The following FBN2 variants were observed in gnomAD, a reference collection of about 807,000 sequenced individuals.
FBN2 encodes fibrillin 2.
In FBN2, 105 loss-of-function variants were observed where a neutral mutation model predicts 355.6. The ratio of observed to expected loss-of-function variants is 0.30; its 90% CI spans 0.25 to 0.35. The LOEUF (loss-of-function observed/expected upper bound fraction) is 0.35. Ranked by LOEUF, FBN2 falls within the 10% of genes least tolerant of loss-of-function variation. FBN2 has a pLI of 1.00. For synonymous variants in FBN2, 1,350 were observed against 1,301.2 expected, an observed-to-expected ratio of 1.04 and a Z score of -0.81; for missense variants, 3,280 against 3,758.7, an observed-to-expected ratio of 0.87 and a Z score of 3.33.
chr5:128,511,870 T>C (rs1268091993), intron 5 of FBN2, among the ~76,000 whole-genome samples: 1 of 152,206 alleles, frequency 6.6e-6, no homozygotes, highest in Non-Finnish European at 1.5e-5. Flanking sequence ...AGTACTTGGC[T>C]TAAGTAAACT....
chr5:128,441,377 T>C (rs945766607), intron 7 of FBN2, among the ~76,000 whole-genome samples: 1 of 152,200 alleles, frequency 6.6e-6, no homozygotes, highest in Non-Finnish European at 1.5e-5. Context: ...GTTTGCTCAA[T>C]AGCACTGGCT....
chr5:128,394,897 C>T (rs1376205974), intron 9 of FBN2, among the ~76,000 whole-genome samples: 1 of 151,174 alleles, frequency 6.6e-6, no homozygotes, highest in African/African-American at 2.4e-5. Flanking sequence ...GTGATTCTCC[C>T]ACCTCAGTCC....
chr5:128,527,635 C>A (rs1256551266), intron 4 of FBN2, among the ~76,000 whole-genome samples: 2 of 151,978 alleles, frequency 1.3e-5, no homozygotes, highest in African/African-American at 4.8e-5. Flanking sequence ...TGCTAAAGCA[C>A]TAGTTACCAG....
intron 7 of FBN2, among the ~76,000 whole-genome samples, chr5:128,435,407 C>T (rs780914460): frequency 2.0e-5 from 3 of 152,148 alleles, no homozygotes; most frequent in Admixed American, 6.6e-5. Flanking sequence ...AGAAACTGTA[C>T]TAAAAGTCAT....
chr5:128,271,867 G>A, intron 62 of FBN2, 132 bp downstream of exon 62: 1 of 1,033,492 alleles, frequency 9.7e-7, no homozygotes. Flanking sequence ...CCATGCATCA[G>A]TCTTAAGGAC....
At chr5:128,412,963 C>G (rs541280359) in intron 7 of FBN2, among the ~76,000 whole-genome samples, 1 of 152,230 alleles carries the variant, frequency 6.6e-6, no homozygotes, top group African/African-American at 2.4e-5. Flanking sequence ...GACTTTGTCA[C>G]CAGAAAGATA....
intron 50 of FBN2, 36 bp downstream of exon 50, chr5:128,290,696 A>G: frequency 6.2e-7 from 1 of 1,608,994 alleles, no homozygotes; most frequent in Non-Finnish European, 8.5e-7. Context: ...AAAAACTGGT[A>G]CACAAAGTGC....
chr5:128,349,609 C>T, intron 22 of FBN2, 137 bp from the exon 23 acceptor site: 1 of 1,148,786 alleles, frequency 8.7e-7, no homozygotes, highest in Non-Finnish European at 1.3e-6. Context: ...CAGAAATATT[C>T]CACAACCGAG....
chr5:128,377,663 T>C, intron 13 of FBN2, 89 bp downstream of exon 13: 1 of 1,349,586 alleles, frequency 7.4e-7, no homozygotes, highest in Non-Finnish European at 1.1e-6. Context: ...ATACGTGGTG[T>C]GTGAGCTTTC....
At chr5:128,267,750 T>G (rs1037012209) in intron 62 of FBN2, among the ~76,000 whole-genome samples, 1 of 152,252 alleles carries the variant, frequency 6.6e-6, no homozygotes, top group South Asian at 2.1e-4. Flanking sequence ...ATTGCAAACA[T>G]TTTCTTCCAT....
chr5:128,330,555 C>T lies in FBN2; in HGVS notation c.4345+18G>A, dbSNP rs956969297. 6.2e-7 allele frequency: 1 copy of T among 1,613,794 alleles called. No individual in the cohort carries two copies. Among genetic ancestry groups the T allele is most frequent in the Admixed American group, 1.7e-5 (1 of 59,976 alleles). ...CTATGACCATCCCGTCAGAGCACAC[C>T]TCAGGACTGTCACCCACCTGAGCAG... is the stretch of plus-strand genomic sequence containing the variant. On this transcript the variant is annotated intron_variant, in intron 33 of 64. Transcript: ENST00000262464.
chr5:128,335,886 G>C, intron 28 of FBN2, 102 bp downstream of exon 28: 1 of 1,255,596 alleles, frequency 8.0e-7, no homozygotes, highest in South Asian at 1.3e-5. Flanking sequence ...ATTCATTTTT[G>C]GGACAAAGGA....
At chr5:128,426,044 T>C (rs753551687) in intron 7 of FBN2, among the ~76,000 whole-genome samples, 1 of 152,120 alleles carries the variant, frequency 6.6e-6, no homozygotes, top group Non-Finnish European at 1.5e-5. Context: ...TCCTAATGCT[T>C]TGCCTGTAAA....
intron 56 of FBN2, 90 bp downstream of exon 56, chr5:128,280,102 G>T: frequency 9.4e-7 from 1 of 1,068,034 alleles, no homozygotes; most frequent in Non-Finnish European, 1.4e-6. Flanking sequence ...TTGTTTAGCA[G>T]ACAAGAATAT....
Position 128,464,632 on chromosome 5 carries a change from A to C in FBN2, c.826+92T>G, listed in dbSNP as rs1010086593. On this transcript the variant is annotated intron_variant, in intron 6 of 64. Transcript: ENST00000262464. ...CACTCTTGGAAATCAGTATTCTGTT[A>C]AAAGCTACCATCCAGTGCCAGATTC... 16 of 1,373,902 alleles carry C rather than the reference A, an allele frequency of 1.2e-5. No homozygotes were observed. In the African/African-American group the frequency reaches 2.1e-4, roughly 18 times the overall value. The allele number at this position is 1,373,902 out of a possible 1,614,324, so 85.1% of individuals were successfully genotyped here.
intron 25 of FBN2, among the ~76,000 whole-genome samples, chr5:128,342,607 A>C (rs1751055667): frequency 6.6e-6 from 1 of 152,176 alleles, no homozygotes; most frequent in South Asian, 2.1e-4. Context: ...AGAGGAGCGA[A>C]CCTGCTGAGA....
intron 2 of FBN2, 81 bp downstream of exon 2, chr5:128,536,321 C>G: frequency 9.4e-7 from 1 of 1,063,468 alleles, no homozygotes; most frequent in Non-Finnish European, 1.4e-6. Flanking sequence ...AACTATGCGT[C>G]CAAATGGCTG....
chr5:128,537,786 G>C lies in FBN2; in HGVS notation c.-183C>G. 1 of 643,918 alleles carries C rather than the reference G, an allele frequency of 1.6e-6. No homozygotes were observed. Among genetic ancestry groups the C allele is most frequent in the Non-Finnish European group, 2.7e-6 (1 of 374,982 alleles). 39.9% of individuals were successfully genotyped at this position (643,918 alleles called of 1,614,324 possible). A position where few individuals can be genotyped will look rare whatever the true frequency, so the allele number is the denominator to read the frequency against. The stretch of plus-strand genomic sequence containing the variant: ...CAGAGCGCCGGCCCCCTGACTGCCC[G>C]CGAAGCGAGACGCGGGGCGCCGGGT... On this transcript the variant is annotated 5_prime_UTR_variant, in exon 1 of 65. Coordinates refer to ENST00000262464, the MANE Select transcript of FBN2 (RefSeq NM_001999.4).
rs200650830 is a variant in FBN2 at position 128,328,659 on chromosome 5, T to C, written c.4471+37A>G. The C allele has an allele frequency of 2.5e-6, 4 of 1,612,698 alleles. No homozygotes were observed. The Admixed American group carries it at 5.0e-5, about 20-fold the overall frequency. ...TTGTGGTTTCATTTACTGTGGTTGA[T>C]CCAACTTGAAAATGAGTTGGAATCC... is the stretch of plus-strand genomic sequence containing the variant. On this transcript the variant is annotated intron_variant, in intron 34 of 64. Transcript: ENST00000262464.
Sources: allele counts gnomAD v4.1 joint callset (sites outside exome capture counted in the v4.1 genomes callset), GRCh38; gene constraint gnomAD v4.1.1; transcripts MANE v1.5; gene names NCBI Gene and HGNC (gene_info 2026-07-23, HGNC 2026-07-21).